UCHL3: variants seen among roughly 807,000 people sequenced by gnomAD.
The protein encoded by UCHL3 is ubiquitin carboxyl-terminal hydrolase isozyme L3.
Under a neutral mutation model 35.8 loss-of-function variants are expected in UCHL3, and 22 were observed. The observed-to-expected ratio is 0.61, with a 90% CI of 0.44 to 0.88. The LOEUF (loss-of-function observed/expected upper bound fraction) is 0.88, where lower values mean the gene tolerates loss of function less well. UCHL3 is among the 40% of genes least tolerant of loss of function. The probability of loss-of-function intolerance (pLI) is 0.00; values close to 1 mark genes in which losing one functional copy is unlikely to be tolerated. For missense variants in UCHL3, 229 were observed against 276.9 expected (o/e 0.83, Z 1.23); for synonymous variants, 90 against 92.8 (o/e 0.97, Z 0.17).
chr13:75,581,722 A>C (rs1478565560), intron 6 of UCHL3, among the ~76,000 whole-genome samples: 2 of 147,862 alleles, frequency 1.4e-5, no homozygotes, highest in Admixed American at 1.4e-4. Context: ...AGTCTGGATC[A>C]TTTCTTTTTA....
chr13:75,577,276 A>G (rs2032052803), intron 6 of UCHL3, among the ~76,000 whole-genome samples: 1 of 152,200 alleles, frequency 6.6e-6, no homozygotes, highest in Non-Finnish European at 1.5e-5. Flanking sequence ...ATTTGGAAAA[A>G]AAAGATGGTT....
At chr13:75,549,623 T>G, upstream of UCHL3, 1 of 492,702 alleles carries the variant, frequency 2.0e-6, no homozygotes, top group Non-Finnish European at 3.4e-6. Flanking sequence ...GCATCTTAAT[T>G]TAAAATATGA....
chr13:75,590,043 G>T (rs1304220662), intron 6 of UCHL3: 1 of 1,304,594 alleles, frequency 7.7e-7, no homozygotes, highest in East Asian at 5.5e-5. Flanking sequence ...TAACCATGTA[G>T]GCCCTGCAAA....
intron 6 of UCHL3, among the ~76,000 whole-genome samples, chr13:75,572,003 GTCT>G (rs1402377379): frequency 9.2e-5 from 14 of 151,750 alleles, no homozygotes; most frequent in African/African-American, 3.4e-4. Flanking sequence ...GTCTTGTCTT[GTCT>G]TGTCTTGTCT....
Position 75,604,741 on chromosome 13 carries a change from C to T in UCHL3, c.551-28C>T, listed in dbSNP as rs200478502. On this transcript the variant is annotated intron_variant, in intron 7 of 8. Transcript: ENST00000377595. ...ACATTATCCTGTAAAAACAGCTAAG[C>T]ATTCAATTGTTTGTCTGTTTTCCAC... 835 of 1,572,132 alleles carry T rather than the reference C, an allele frequency of 5.3e-4. 18 individuals are homozygous for T. In the South Asian group the frequency reaches 7.4e-3, roughly 14 times the overall value.
intron 6 of UCHL3, among the ~76,000 whole-genome samples, chr13:75,594,642 G>A (rs1470364891): frequency 1.3e-5 from 2 of 152,154 alleles, no homozygotes; most frequent in Non-Finnish European, 1.5e-5. Context: ...TAAGTGCTGA[G>A]GCTTCTAAGG....
chr13:75,593,348 A>G (rs1398292469), intron 6 of UCHL3, among the ~76,000 whole-genome samples: 1 of 152,246 alleles, frequency 6.6e-6, no homozygotes, highest in South Asian at 2.1e-4. Context: ...GGCCAGTAAT[A>G]TTTTTTGATT....
At chr13:75,586,019 TAATGA>T (rs1469433063) in intron 6 of UCHL3, among the ~76,000 whole-genome samples, 2 of 152,074 alleles carry the variant, frequency 1.3e-5, no homozygotes, top group African/African-American at 4.8e-5. Context: ...CACATGAAGT[TAATGA>T]AATGTCAGTA....
intron 3 of UCHL3, among the ~76,000 whole-genome samples, chr13:75,562,630 A>AT (rs1196820880): frequency 2.0e-5 from 3 of 152,010 alleles, no homozygotes; most frequent in Admixed American, 6.6e-5. Context: ...CAAACCATTG[A>AT]TTTTTTATGA....
chr13:75,554,423 C>T (rs371661514), intron 2 of UCHL3, among the ~76,000 whole-genome samples: 5 of 152,254 alleles, frequency 3.3e-5, no homozygotes, highest in Admixed American at 1.3e-4. Flanking sequence ...CCATGAATGT[C>T]GGCTATTTTT....
In UCHL3 at chr13:75,582,488, T is replaced by A. The variant is rs137968950; in HGVS notation, c.475-12427T>A. Among the ~76,000 whole-genome samples the A allele has an allele frequency of 2.6e-5, 4 of 152,264 alleles. No homozygotes were observed. The East Asian group carries it at 7.7e-4, about 29-fold the overall frequency. ...TCACTGTTAATGTCCTGGCAAACAT[T>A]GGTGTCGTTAATAGTTTTGATGAAA... On this transcript the variant is annotated intron_variant, in intron 6 of 8. Coordinates refer to ENST00000377595, the MANE Select transcript of UCHL3 (RefSeq NM_006002.5).
intron 7 of UCHL3, among the ~76,000 whole-genome samples, chr13:75,603,007 A>G (rs1005173259): frequency 6.6e-6 from 1 of 151,954 alleles, no homozygotes; most frequent in African/African-American, 2.4e-5. Context: ...TTATTTTTTT[A>G]GAGACAGAAT....
At chr13:75,558,945 C>T (rs117730948) in intron 2 of UCHL3, among the ~76,000 whole-genome samples, 53 of 150,418 alleles carry the variant, frequency 3.5e-4, no homozygotes, top group Non-Finnish European at 6.5e-4. Context: ...GGAAGTAGTT[C>T]GAAGTGCTTT....
chr13:75,549,931 C>T (rs2031018114), intron 1 of UCHL3, 45 bp from the exon 2 acceptor site: 1 of 1,614,216 alleles, frequency 6.2e-7, no homozygotes, highest in South Asian at 1.1e-5. Flanking sequence ...TGCCGCGAGT[C>T]CACGGTGGTT....
chr13:75,585,032 G>A (rs1267138948), intron 6 of UCHL3, among the ~76,000 whole-genome samples: 1 of 151,254 alleles, frequency 6.6e-6, no homozygotes, highest in East Asian at 2.0e-4. Context: ...ATCCCAGAAG[G>A]AGAAGAGAGA....
chr13:75,582,100 A>G (rs776444641), intron 6 of UCHL3, among the ~76,000 whole-genome samples: 1 of 152,180 alleles, frequency 6.6e-6, no homozygotes, highest in Non-Finnish European at 1.5e-5. Context: ...GCTTTGGGCA[A>G]GTCAAGTAGG....
chr13:75,563,510 A>G (rs922867065), intron 3 of UCHL3, among the ~76,000 whole-genome samples: 1 of 152,160 alleles, frequency 6.6e-6, no homozygotes, highest in Admixed American at 6.5e-5. Flanking sequence ...AATAAATTTT[A>G]TTGTGTATAT....
intron 3 of UCHL3, among the ~76,000 whole-genome samples, chr13:75,562,409 AGAGTT>A (rs1263583034): frequency 6.6e-6 from 1 of 152,112 alleles, no homozygotes; most frequent in Non-Finnish European, 1.5e-5. Flanking sequence ...CATTTGTAGA[AGAGTT>A]GAGACAAAAA....
chr13:75,574,101 C>T (rs943280316), intron 6 of UCHL3, among the ~76,000 whole-genome samples: 2 of 151,966 alleles, frequency 1.3e-5, no homozygotes, highest in African/African-American at 4.8e-5. Flanking sequence ...GCCTGTAGTC[C>T]CAGCTACTCG....
Sources: allele counts gnomAD v4.1 joint callset (sites outside exome capture counted in the v4.1 genomes callset), GRCh38; gene constraint gnomAD v4.1.1; transcripts MANE v1.5; gene names NCBI Gene and HGNC (gene_info 2026-07-23, HGNC 2026-07-21).